Variants in ERC2 observed in about 807,000 individuals in gnomAD.
The protein encoded by ERC2 is ELKS/RAB6-interacting/CAST family member 2, also known as ERC protein 2.
Under a neutral mutation model 114.8 loss-of-function variants are expected in ERC2, and 42 were observed. The ratio of observed to expected loss-of-function variants is 0.37; its 90% confidence interval spans 0.29 to 0.47. ERC2 has a LOEUF of 0.47. Ranked by LOEUF, ERC2 falls within the 20% of genes least tolerant of loss-of-function variation. The pLI is 0.99. For missense variants in ERC2, 939 were observed against 1,150.7 expected (o/e 0.82, Z 2.66); for synonymous variants, 454 against 425.5 (o/e 1.07, Z -0.82).
intron 2 of ERC2, among the ~76,000 whole-genome samples, chr3:56,386,906 G>A (rs1369701370): frequency 2.0e-5 from 3 of 152,178 alleles, no homozygotes; most frequent in Non-Finnish European, 4.4e-5. Flanking sequence ...CATATGAACA[G>A]CATATAAAAG....
At chr3:56,315,244 G>A (rs1461091731) in intron 2 of ERC2, among the ~76,000 whole-genome samples, 2 of 152,086 alleles carry the variant, frequency 1.3e-5, no homozygotes, top group African/African-American at 4.8e-5. Context: ...ACTTTAAAAA[G>A]GGTTTAGAGA....
intron 2 of ERC2, among the ~76,000 whole-genome samples, chr3:56,353,185 T>G (rs1237063298): frequency 2.0e-5 from 3 of 151,988 alleles, no homozygotes; most frequent in Non-Finnish European, 4.4e-5. Context: ...CTTTCTTACC[T>G]CCTATGGTCC....
intron 2 of ERC2, among the ~76,000 whole-genome samples, chr3:56,357,799 T>A (rs1176648075): frequency 6.7e-6 from 1 of 148,554 alleles, no homozygotes; most frequent in Non-Finnish European, 1.5e-5. Flanking sequence ...TCATATCCCA[T>A]AACATAATTT....
At chr3:55,838,172 A>G (rs1452935970) in intron 14 of ERC2, among the ~76,000 whole-genome samples, 1 of 151,692 alleles carries the variant, frequency 6.6e-6, no homozygotes, top group Non-Finnish European at 1.5e-5. Context: ...AAAATCAACA[A>G]CGGGATAGAA....
intron 17 of ERC2, among the ~76,000 whole-genome samples, chr3:55,608,419 C>T (rs1055006012): frequency 2.0e-5 from 3 of 152,158 alleles, no homozygotes; most frequent in African/African-American, 2.4e-5. Flanking sequence ...TATAATTACC[C>T]TGCCCAATCA....
intron 17 of ERC2, among the ~76,000 whole-genome samples, chr3:55,668,471 T>A (rs182336166): frequency 6.6e-6 from 1 of 152,372 alleles, no homozygotes; most frequent in Admixed American, 6.5e-5. Flanking sequence ...TTAACGGTTG[T>A]GCTCCACTCC....
intron 14 of ERC2, among the ~76,000 whole-genome samples, chr3:55,798,219 G>C (rs950690613): frequency 6.6e-6 from 1 of 152,178 alleles, no homozygotes; most frequent in Non-Finnish European, 1.5e-5. Flanking sequence ...TTATACATGT[G>C]TGAAGCAGGA....
intron 12 of ERC2, among the ~76,000 whole-genome samples, chr3:55,952,180 C>CACTATATATA (rs1553749407): frequency 3.1e-4 from 8 of 25,556 alleles, no homozygotes; most frequent in Non-Finnish European, 5.9e-4. Flanking sequence ...CACACACACA[C>CACTATATATA]TCTCTCTCTC....
chr3:55,854,231 C>T (rs2061692947), intron 14 of ERC2, among the ~76,000 whole-genome samples: 1 of 152,020 alleles, frequency 6.6e-6, no homozygotes, highest in Non-Finnish European at 1.5e-5. Context: ...GCTGAGATTG[C>T]GCCACTGCAC....
chr3:55,935,365 T>C (rs1287219654), intron 13 of ERC2, among the ~76,000 whole-genome samples: 1 of 152,222 alleles, frequency 6.6e-6, no homozygotes, highest in Non-Finnish European at 1.5e-5. Context: ...AACTAGACTA[T>C]TGAAGATGGT....
At chr3:55,727,062 G>A (rs1439725388) in intron 15 of ERC2, among the ~76,000 whole-genome samples, 2 of 152,108 alleles carry the variant, frequency 1.3e-5, no homozygotes, top group African/African-American at 2.4e-5. Flanking sequence ...TACGGCTTAC[G>A]GGGTAAGATT....
At chr3:56,282,384 G>C (rs1483587049) in intron 3 of ERC2, among the ~76,000 whole-genome samples, 2 of 152,148 alleles carry the variant, frequency 1.3e-5, no homozygotes, top group Admixed American at 6.6e-5. Context: ...AACCAGATGA[G>C]AAGCCCAAAT....
chr3:55,594,567 C>T (rs758059737), intron 17 of ERC2, among the ~76,000 whole-genome samples: 13 of 152,076 alleles, frequency 8.5e-5, no homozygotes, highest in East Asian at 3.9e-4. Context: ...CTGCAACCTC[C>T]GCACCCTGGG....
chr3:55,513,615 C>T (rs1230175895), intron 17 of ERC2, among the ~76,000 whole-genome samples: 1 of 147,566 alleles, frequency 6.8e-6, no homozygotes, highest in African/African-American at 2.5e-5. Context: ...AGCGTGTGTG[C>T]ATGTATGTAT....
At chr3:56,455,836 C>T (rs1375743547) in intron 1 of ERC2, among the ~76,000 whole-genome samples, 1 of 152,182 alleles carries the variant, frequency 6.6e-6, no homozygotes, top group Non-Finnish European at 1.5e-5. Flanking sequence ...TGACTTAGCA[C>T]TCATCATTCA....
intron 3 of ERC2, among the ~76,000 whole-genome samples, chr3:56,242,017 C>T (rs1230988646): frequency 6.6e-6 from 1 of 152,012 alleles, no homozygotes; most frequent in African/African-American, 2.4e-5. Context: ...ATCATCTGGC[C>T]GTTTAAGAAA....
chr3:55,555,732 A>G (rs2055556561), intron 17 of ERC2, among the ~76,000 whole-genome samples: 1 of 152,230 alleles, frequency 6.6e-6, no homozygotes, highest in South Asian at 2.1e-4. Context: ...CCCTGCCTTC[A>G]TGAAGCTGAC....
Position 55,732,357 on chromosome 3 carries a change from G to T in ERC2, c.2712+2414C>A, listed in dbSNP as rs939535067. Among the ~76,000 whole-genome samples, 3 of 152,150 alleles carry T rather than the reference G, an allele frequency of 2.0e-5. 1 individual carries two copies. Among genetic ancestry groups the T allele is most frequent in the South Asian group, 2.1e-4 (1 of 4,826 alleles). On this transcript the variant is annotated intron_variant, in intron 15 of 17. Coordinates refer to ENST00000288221, the MANE Select transcript of ERC2 (RefSeq NM_015576.3). ...GTGGGTGGGGTGAGGAAGGATATCA[G>T]ACCTAAATCACGAAGGAGCCCATCC...
At chr3:55,612,710 A>T (rs2058958819) in intron 17 of ERC2, 1 of 152,114 alleles carries the variant, frequency 6.6e-6, no homozygotes, top group South Asian at 2.1e-4. Flanking sequence ...CCGAGGCAAA[A>T]TTTACATACC....
Sources: gnomAD v4.1 joint callset for allele counts (sites outside exome capture counted in the v4.1 genomes callset) on GRCh38, gnomAD v4.1.1 for gene constraint, MANE v1.5 for transcripts, NCBI Gene and HGNC (gene_info 2026-07-23, HGNC 2026-07-21) for gene names.